CTXND1: variants seen among roughly 807,000 people sequenced by gnomAD.
The protein encoded by CTXND1 is cortexin domain-containing 1 protein.
chr15:80,238,736 A>C (rs1893532426), intron 1 of CTXND1, among the ~76,000 whole-genome samples: 1 of 152,010 alleles, frequency 6.6e-6, no homozygotes, highest in Non-Finnish European at 1.5e-5. Flanking sequence ...TGGCCTCCCA[A>C]AGTGCTGGGA....
intron 1 of CTXND1, among the ~76,000 whole-genome samples, chr15:80,230,539 T>C (rs570762704): frequency 2.6e-5 from 4 of 152,342 alleles, no homozygotes; most frequent in Non-Finnish European, 5.9e-5. Flanking sequence ...TTCATAGATT[T>C]CCATCCTTAT....
At chr15:80,238,460 CG>C (rs999036560) in intron 1 of CTXND1, among the ~76,000 whole-genome samples, 1 of 150,730 alleles carries the variant, frequency 6.6e-6, no homozygotes, top group African/African-American at 2.4e-5. Flanking sequence ...TAAGAAGCAG[CG>C]GGCAGACTTT....
At position 80,244,830 on chromosome 15, in the gene CTXND1, T is replaced by C. The variant is rs1893609922; in HGVS notation, c.-218+7177A>G. ...CTAACACCGTCGGCACCTTAAACCA[T>C]ATAAAGCACTATCAGGTACACAATC... On this transcript the variant is annotated intron_variant, in intron 1 of 2. Coordinates refer to ENST00000560778, the MANE Select transcript of CTXND1 (RefSeq NM_001352888.2). 1.3e-5 allele frequency among the ~76,000 whole-genome samples: 2 copies of C among 152,084 alleles called. 1 individual carries two copies. The highest frequency in any genetic ancestry group is 1.3e-4 in the Admixed American group (2 of 15,262).
At chr15:80,237,353 AAAAAG>A (rs1479885853) in intron 1 of CTXND1, among the ~76,000 whole-genome samples, 2 of 151,648 alleles carry the variant, frequency 1.3e-5, no homozygotes, top group East Asian at 3.9e-4. Context: ...AAAAAAAAAA[AAAAAG>A]AAAGAAAAAG....
At chr15:80,204,930 G>C (rs546440230) in intron 1 of CTXND1, among the ~76,000 whole-genome samples, 1 of 152,252 alleles carries the variant, frequency 6.6e-6, no homozygotes, top group East Asian at 1.9e-4. Flanking sequence ...AGCACAAAAA[G>C]AAAACAGTCA....
chr15:80,216,161 A>T (rs1362948235), intron 1 of CTXND1, among the ~76,000 whole-genome samples: 1 of 152,210 alleles, frequency 6.6e-6, no homozygotes, highest in African/African-American at 2.4e-5. Context: ...TCTGAAGATC[A>T]TGTCCCCGTT....
At chr15:80,250,459 G>GTA (rs1474042878) in intron 1 of CTXND1, among the ~76,000 whole-genome samples, 4 of 152,022 alleles carry the variant, frequency 2.6e-5, no homozygotes, top group Non-Finnish European at 5.9e-5. Flanking sequence ...TTTTCCACAT[G>GTA]TATTTGGGTT....
intron 1 of CTXND1, among the ~76,000 whole-genome samples, chr15:80,235,447 A>G (rs776154421): frequency 7.5e-4 from 114 of 152,162 alleles, no homozygotes; most frequent in South Asian, 1.9e-3. Flanking sequence ...GCATCTCCGA[A>G]AGAGCTCGCC....
intron 1 of CTXND1, among the ~76,000 whole-genome samples, chr15:80,246,242 GTTCAAT>G (rs2141466414): frequency 6.6e-6 from 1 of 152,280 alleles, no homozygotes; most frequent in South Asian, 2.1e-4. Flanking sequence ...TAATTCCAAA[GTTCAAT>G]TCATATAAAG....
At chr15:80,226,106 C>T (rs1372371641) in intron 1 of CTXND1, among the ~76,000 whole-genome samples, 1 of 152,210 alleles carries the variant, frequency 6.6e-6, no homozygotes, top group East Asian at 1.9e-4. Context: ...TTTCTCTCCT[C>T]TCACTCCACC....
intron 2 of CTXND1, among the ~76,000 whole-genome samples, chr15:80,202,968 G>A (rs1893101940): frequency 6.6e-6 from 1 of 152,198 alleles, no homozygotes; most frequent in African/African-American, 2.4e-5. Context: ...GGGATGATTT[G>A]CAACTTCTCT....
chr15:80,226,664 C>T (rs565455589), intron 1 of CTXND1, among the ~76,000 whole-genome samples: 84 of 152,300 alleles, frequency 5.5e-4, no homozygotes, highest in African/African-American at 1.2e-3. Flanking sequence ...CTGACCCTGG[C>T]GGCCTTCTGC....
chr15:80,212,353 A>C lies in CTXND1; in HGVS notation c.-217-8613T>G, dbSNP rs191750844. Among the ~76,000 whole-genome samples, 360 of 152,346 alleles carry C rather than the reference A, an allele frequency of 2.4e-3. 2 individuals carry two copies. Among genetic ancestry groups the C allele is most frequent in the Non-Finnish European group, 4.0e-3 (271 of 68,034 alleles). On this transcript the variant is annotated intron_variant, in intron 1 of 2. Coordinates refer to ENST00000560778, the MANE Select transcript of CTXND1 (RefSeq NM_001352888.2). ...AATATCAGTTTTCTGTATTTATTCC[A>C]TACTTTTAAATTCAAGATATCAAAC... is the stretch of plus-strand genomic sequence containing the variant.
At chr15:80,224,236 A>G (rs1893349633) in intron 1 of CTXND1, among the ~76,000 whole-genome samples, 1 of 152,160 alleles carries the variant, frequency 6.6e-6, no homozygotes, top group African/African-American at 2.4e-5. Context: ...CCCAGCTCCA[A>G]CCACCGACCG....
chr15:80,248,630 G>A (rs1835458953), intron 1 of CTXND1, among the ~76,000 whole-genome samples: 1 of 152,202 alleles, frequency 6.6e-6, no homozygotes, highest in Non-Finnish European at 1.5e-5. Context: ...AGAGGGAGGT[G>A]CGACAAATGT....
At chr15:80,245,004 A>G (rs781277800) in intron 1 of CTXND1, among the ~76,000 whole-genome samples, 2 of 152,160 alleles carry the variant, frequency 1.3e-5, no homozygotes, top group Non-Finnish European at 2.9e-5. Flanking sequence ...TCATTCACCA[A>G]TTTGTGCCTT....
intron 1 of CTXND1, among the ~76,000 whole-genome samples, chr15:80,227,030 T>C (rs1378004075): frequency 6.6e-6 from 1 of 152,198 alleles, no homozygotes; most frequent in Non-Finnish European, 1.5e-5. Flanking sequence ...TTCATAGGGA[T>C]CATGGTTTAT....
Position 80,201,760 on chromosome 15 carries a change from CCGCTGTGCCTCAGT to C in CTXND1, c.176_*9del, listed in dbSNP as rs1254179009. 3 of 398,758 alleles carry C rather than the reference CCGCTGTGCCTCAGT, an allele frequency of 7.5e-6. No homozygotes were observed. Among genetic ancestry groups the C allele is most frequent in the African/African-American group, 2.1e-5 (1 of 48,640 alleles). 24.7% of individuals were successfully genotyped at this position (398,758 alleles called of 1,614,324 possible). On this transcript the variant is annotated stop_lost and 3_prime_UTR_variant, in exon 3 of 3. Transcript: ENST00000560778. Reference sequence around the variant, plus strand: ...AGAGCGCCAGGTCCAGTCCCCACAGCCGCTGTGCCTCAGTCGTCCAGGTGCTGCTCCTCCCAGGT... The same window carrying C: ...AGAGCGCCAGGTCCAGTCCCCACAGCCGTCCAGGTGCTGCTCCTCCCAGGT...
intron 1 of CTXND1, among the ~76,000 whole-genome samples, chr15:80,215,891 A>G (rs913795105): frequency 6.6e-6 from 1 of 152,042 alleles, no homozygotes; most frequent in Admixed American, 6.5e-5. Flanking sequence ...TGCAACTTCA[A>G]TCTTGGGAAG....
Sources: allele counts gnomAD v4.1 joint callset (sites outside exome capture counted in the v4.1 genomes callset), GRCh38; gene constraint gnomAD v4.1.1; transcripts MANE v1.5; gene names NCBI Gene and HGNC (gene_info 2026-07-23, HGNC 2026-07-21).